Variants in MAML1 observed in about 807,000 individuals in gnomAD.
MAML1 encodes mastermind-like protein 1.
Under a neutral mutation model 77.1 loss-of-function variants are expected in MAML1, and 14 were observed. The observed-to-expected ratio is 0.18, with a 90% CI of 0.12 to 0.28. MAML1 has a LOEUF of 0.28. Among genes scored for constraint, MAML1 ranks in the 10% least tolerant of loss-of-function variants. MAML1 has a pLI of 1.00. For synonymous variants in MAML1, 516 were observed against 551.9 expected, an observed-to-expected ratio of 0.93 and a Z score of 0.91; for missense variants, 1,217 against 1,327.8, an observed-to-expected ratio of 0.92 and a Z score of 1.30.
intron 1 of MAML1, among the ~76,000 whole-genome samples, chr5:179,752,344 A>T (rs1205496019): frequency 0.3 from 26,896 of 88,486 alleles, 5,814 homozygotes; most frequent in South Asian, 0.52. Flanking sequence ...AAAAAAAAAA[A>T]AAAAAAATAT....
In MAML1 at chr5:179,774,358, G is replaced by T. The variant is rs200197474; in HGVS notation, c.2532G>T (p.Met844Ile). 69 of 1,613,158 alleles carry T rather than the reference G, an allele frequency of 4.3e-5. No individual in the cohort carries two copies. Among genetic ancestry groups the T allele is most frequent in the African/African-American group, 5.3e-5 (4 of 74,936 alleles). Residue 844 changes from methionine to isoleucine, a missense_variant, in exon 5 of 5, where the codon ATG becomes ATT. By Grantham distance (10) the Met-to-Ile change is conservative. Transcript: ENST00000292599. ...GQNSSWQHQG[M>I]PNLSGQTPGN... The stretch of plus-strand genomic sequence containing the variant: ...ATTCCTCCTGGCAGCATCAGGGAAT[G>T]CCGAACCTCAGTGGCCAGACCCCAG...
intron 1 of MAML1, among the ~76,000 whole-genome samples, chr5:179,752,297 G>A (rs1279756514): frequency 1.7e-5 from 2 of 118,394 alleles, no homozygotes; most frequent in African/African-American, 3.3e-5. Flanking sequence ...CTGCACTCCA[G>A]CCTGGCAACA....
chr5:179,774,424 C>G lies in MAML1; in HGVS notation c.2598C>G (p.Phe866Leu). The G allele has an allele frequency of 6.2e-7, 1 of 1,613,278 alleles. No homozygotes were observed. The highest frequency in any genetic ancestry group is 2.2e-5 in the East Asian group (1 of 44,890). ...GTCCCTTCACTGCAGCCTCCAGTTT[C>G]CACATGCAGCAGCAGGCCCACCTGA... Reference protein sequence around the residue: ...NVSPFTAASSFHMQQQAHLKM... With the variant: ...NVSPFTAASSLHMQQQAHLKM... The change falls in exon 5 of 5, where the codon TTC becomes TTG. Residue 866 changes from phenylalanine (F) to leucine (L), a missense_variant. This residue lies in a region of MAML1 where 884 missense variants were observed against 949.3 expected (regional missense o/e 0.93). Transcript: ENST00000292599.
chr5:179,763,300 T>TAAAGG, intron 1 of MAML1, among the ~76,000 whole-genome samples: 1 of 152,368 alleles, frequency 6.6e-6, no homozygotes, highest in Non-Finnish European at 1.5e-5. Context: ...GTCTATTTTA[T>TAAAGG]GTGCGTGGTT....
chr5:179,766,247 C>A lies in MAML1; in HGVS notation c.1237C>A (p.Gln413Lys), dbSNP rs1391311578. 6.2e-7 allele frequency: 1 copy of A among 1,614,000 alleles called. No homozygotes were observed. The highest frequency in any genetic ancestry group is 8.5e-7 in the Non-Finnish European group (1 of 1,179,978). The change falls in exon 2 of 5, where the codon CAG (glutamine) becomes AAG (lysine). Residue 413 changes from glutamine (Q) to lysine (K), a missense_variant. Around this residue, in one of 3 missense-constraint regions of MAML1, gnomAD observed 884 missense variants for 949.3 expected, o/e 0.93. Coordinates refer to ENST00000292599, the MANE Select transcript of MAML1 (RefSeq NM_014757.5). The surrounding 1 kb of genome is among the most constrained non-coding windows in gnomAD (Gnocchi z 4.0). Reference sequence around the variant, plus strand: ...CAAGCAGAAGCGCGAGCAGATGCTCCAGAACCCACAGCAGGCCACCCCGGC... The same window carrying A: ...CAAGCAGAAGCGCGAGCAGATGCTCAAGAACCCACAGCAGGCCACCCCGGC... The part of the protein sequence containing the change: ...AAKQKREQML[Q>K]NPQQATPAPA...
rs1756137780 is a variant in MAML1 at position 179,776,581 on chromosome 5, C to T, written c.*1704C>T. Reference sequence around the variant, plus strand: ...ATCATAAAGCCAGTGAAAATTTCACCCTCTGAGGGAGTTCCCCAATCTGAA... The same window carrying T: ...ATCATAAAGCCAGTGAAAATTTCACTCTCTGAGGGAGTTCCCCAATCTGAA... On this transcript the variant is annotated 3_prime_UTR_variant, in exon 5 of 5. Coordinates refer to ENST00000292599, the MANE Select transcript of MAML1 (RefSeq NM_014757.5). 1.0e-6 allele frequency: 1 copy of T among 985,490 alleles called. No individual in the cohort carries two copies. Among genetic ancestry groups the T allele is most frequent in the Non-Finnish European group, 1.2e-6 (1 of 829,946 alleles). 61.0% of individuals were successfully genotyped at this position (985,490 alleles called of 1,614,324 possible).
chr5:179,746,449 C>T (rs758408524), intron 1 of MAML1, among the ~76,000 whole-genome samples: 3 of 151,896 alleles, frequency 2.0e-5, no homozygotes, highest in Non-Finnish European at 2.9e-5. Context: ...CTTGGCTCAC[C>T]GCAACCTCTG....
At chr5:179,739,924 G>A (rs1412954101) in intron 1 of MAML1, among the ~76,000 whole-genome samples, 1 of 152,188 alleles carries the variant, frequency 6.6e-6, no homozygotes. Context: ...GTGTACAGTA[G>A]CGAATAGGAC....
At chr5:179,750,273 T>C (rs1022872798) in intron 1 of MAML1, among the ~76,000 whole-genome samples, 5 of 152,232 alleles carry the variant, frequency 3.3e-5, no homozygotes, top group Non-Finnish European at 7.3e-5. Context: ...ATGCTTACTC[T>C]GTGAGCCCTT....
At chr5:179,749,111 G>A (rs1020061844) in intron 1 of MAML1, among the ~76,000 whole-genome samples, 8 of 151,706 alleles carry the variant, frequency 5.3e-5, no homozygotes, top group Non-Finnish European at 8.8e-5. Context: ...GATTACAGGC[G>A]CCTGCCACCA....
At chr5:179,772,673 G>A (rs1162723233) in intron 4 of MAML1, among the ~76,000 whole-genome samples, 2 of 152,088 alleles carry the variant, frequency 1.3e-5, no homozygotes, top group Non-Finnish European at 2.9e-5. Context: ...GTAATTTCCT[G>A]CGACTCCTCC....
At chr5:179,748,377 C>T (rs893543307) in intron 1 of MAML1, among the ~76,000 whole-genome samples, 1 of 148,970 alleles carries the variant, frequency 6.7e-6, no homozygotes, top group Non-Finnish European at 1.5e-5. Context: ...CCACTGCACC[C>T]AGCCGACTAC....
intron 1 of MAML1, among the ~76,000 whole-genome samples, chr5:179,752,344 A>ATAT (rs1292142222): frequency 0.015 from 1,370 of 92,292 alleles, 34 homozygotes; most frequent in Non-Finnish European, 0.016. Context: ...AAAAAAAAAA[A>ATAT]AAAAAAATAT....
chr5:179,744,738 C>T (rs1259954490), intron 1 of MAML1, among the ~76,000 whole-genome samples: 1 of 152,026 alleles, frequency 6.6e-6, no homozygotes, highest in Non-Finnish European at 1.5e-5. Flanking sequence ...TGGTCTTGAA[C>T]TCCTGGCCTC....
Position 179,766,740 on chromosome 5 carries a change from A to C in MAML1, c.1730A>C (p.Gln577Pro), listed in dbSNP as rs1391152132. 1 of 1,540,926 alleles carries C rather than the reference A, an allele frequency of 6.5e-7. No individual in the cohort carries two copies. The highest frequency in any genetic ancestry group is 2.0e-5 in the Admixed American group (1 of 49,958). The change falls in exon 2 of 5, where the codon CAG becomes CCG. Residue 577 changes from glutamine to proline, a missense_variant and splice_region_variant. Physicochemically the swap from Gln to Pro is moderately conservative, Grantham distance 76. Coordinates refer to ENST00000292599, the MANE Select transcript of MAML1 (RefSeq NM_014757.5). The surrounding 1 kb of genome is among the most constrained non-coding windows in gnomAD (Gnocchi z 4.0). ...MPFRSLVPPG[Q>P]EQNPSSVPVQ... is the part of the protein sequence containing the mutation. Reference sequence around the variant, plus strand: ...TTCCGATCACTGGTTCCACCTGGCCAGGTAAGTATGAGCCTTTGCTTTCTG... The same window carrying C: ...TTCCGATCACTGGTTCCACCTGGCCCGGTAAGTATGAGCCTTTGCTTTCTG...
Position 179,757,461 on chromosome 5 carries a change from G to A in MAML1, c.316-7865G>A, listed in dbSNP as rs542376536. ...CGGGTGCCTGTCATCCCAGCTACTC[G>A]GGAGGCTGAGGCAGGAGAATCACTC... is the stretch of plus-strand genomic sequence containing the variant. On this transcript the variant is annotated intron_variant, in intron 1 of 4. Transcript: ENST00000292599. Among the ~76,000 whole-genome samples, 243 of 152,124 alleles carry A rather than the reference G, an allele frequency of 1.6e-3. 2 individuals carry two copies. Among genetic ancestry groups the A allele is most frequent in the African/African-American group, 5.5e-3 (229 of 41,504 alleles).
chr5:179,742,002 A>G (rs549811492), intron 1 of MAML1, among the ~76,000 whole-genome samples: 14 of 151,568 alleles, frequency 9.2e-5, no homozygotes, highest in African/African-American at 2.9e-4. Flanking sequence ...GGTTCAAGCA[A>G]TTTTCCCACC....
intron 1 of MAML1, among the ~76,000 whole-genome samples, chr5:179,743,044 C>A (rs968228865): frequency 1.3e-4 from 16 of 124,884 alleles, no homozygotes; most frequent in Non-Finnish European, 1.9e-4. Context: ...AACCCCTTCA[C>A]ACTTTTTTTT....
chr5:179,766,133 A>G lies in MAML1; in HGVS notation c.1123A>G (p.Arg375Gly). The G allele has an allele frequency of 6.3e-7, 1 of 1,575,122 alleles. No homozygotes were observed. Among genetic ancestry groups the G allele is most frequent in the Non-Finnish European group, 8.6e-7 (1 of 1,161,816 alleles). Residue 375 changes from arginine (R) to glycine (G), a missense_variant, in exon 2 of 5, where the codon AGA (arginine) becomes GGA (glycine). By Grantham distance (125) the Arg-to-Gly change is moderately radical (BLOSUM62 -2). Coordinates refer to ENST00000292599, the MANE Select transcript of MAML1 (RefSeq NM_014757.5). This position sits in a 1 kb window ranked among gnomAD's most constrained non-coding sequence, Gnocchi z 4.0. ...PASAQAQNAQ[R>G]ALAGVVLPSQ... ...ATCAGCCCAGGCCCAGAACGCACAA[A>G]GAGCCCTTGCAGGTGTGGTATTGCC...
Sources: gnomAD v4.1 joint callset for allele counts (sites outside exome capture counted in the v4.1 genomes callset) on GRCh38, gnomAD v4.1.1 for gene constraint, gnomAD v4.1.1 regional missense constraint, Gnocchi (gnomAD v3.1) non-coding constraint, MANE v1.5 for transcripts, NCBI Gene and HGNC (gene_info 2026-07-23, HGNC 2026-07-21) for gene names.